Variants in DMD observed in about 807,000 individuals in gnomAD.
The protein encoded by DMD is mutant dystrophin.
Under a neutral mutation model 330.1 loss-of-function variants are expected in DMD, and 63 were observed. The ratio of observed to expected loss-of-function variants is 0.19; its 90% CI spans 0.16 to 0.24. DMD has a LOEUF of 0.24. Ranked by LOEUF, DMD falls within the 10% of genes least tolerant of loss-of-function variation. The pLI is 1.00. For missense variants in DMD, 3,344 were observed against 2,684.1 expected, an observed-to-expected ratio of 1.25 and a Z score of -5.43; for synonymous variants, 1,223 against 959.8, an observed-to-expected ratio of 1.27 and a Z score of -5.07.
chrX:32,613,446 A>G (rs2057327891), intron 12 of DMD, among the ~76,000 whole-genome samples: 1 of 111,086 alleles, frequency 9.0e-6, no homozygotes, highest in African/African-American at 3.3e-5. Flanking sequence ...GAAACAAAAA[A>G]AAATGCTTTC....
intron 2 of DMD, among the ~76,000 whole-genome samples, chrX:32,993,220 G>C (rs764422282): frequency 1.8e-5 from 2 of 112,237 alleles, no homozygotes; most frequent in Admixed American, 1.9e-4. Flanking sequence ...GTTTGAGCAA[G>C]TCATTTAGAC....
At position 31,704,084 on chromosome X, in the gene DMD, G is replaced by A. The variant is rs774066928; in HGVS notation, c.7661-24498C>T. Among the ~76,000 whole-genome samples the A allele has an allele frequency of 1.3e-4, 14 of 111,654 alleles. No individual in the cohort carries two copies. The South Asian group carries it at 4.1e-3, about 33-fold the overall frequency. On this transcript the variant is annotated intron_variant, in intron 52 of 78. Coordinates refer to ENST00000357033, the MANE Select transcript of DMD (RefSeq NM_004006.3). ...GGGAGATAAAAGTAATTCTTTCCTC[G>A]TTCCAATAATCCCCATTCAAGTAAC... is the stretch of plus-strand genomic sequence containing the variant.
intron 41 of DMD, among the ~76,000 whole-genome samples, chrX:32,334,439 A>G (rs1240458210): frequency 8.9e-6 from 1 of 112,100 alleles, no homozygotes; most frequent in African/African-American, 3.2e-5. Context: ...TGTGGCAATT[A>G]TGCAAAGACA....
chrX:32,518,845 T>C (rs1449892626), intron 17 of DMD, among the ~76,000 whole-genome samples: 1 of 110,053 alleles, frequency 9.1e-6, no homozygotes. Context: ...CTCCAGTTGA[T>C]GCCACATAGA....
intron 28 of DMD, among the ~76,000 whole-genome samples, chrX:32,439,262 T>A: frequency 8.9e-6 from 1 of 111,822 alleles, no homozygotes; most frequent in Non-Finnish European, 1.9e-5. Flanking sequence ...TTTTCCTGTT[T>A]ATGTATTTTT....
chrX:32,477,124 C>T (rs747092244), intron 21 of DMD, among the ~76,000 whole-genome samples: 25 of 110,643 alleles, frequency 2.3e-4, no homozygotes, highest in African/African-American at 7.2e-4. Flanking sequence ...TTCTACTATT[C>T]GGCTGCTAAA....
chrX:31,929,098 A>G (rs1006917369), intron 47 of DMD, among the ~76,000 whole-genome samples: 2 of 112,342 alleles, frequency 1.8e-5, no homozygotes, highest in Non-Finnish European at 3.8e-5. Context: ...AGATTTATAT[A>G]GTATGCAAGG....
intron 43 of DMD, among the ~76,000 whole-genome samples, chrX:32,246,959 C>G (rs1234420954): frequency 4.5e-5 from 5 of 111,121 alleles, no homozygotes; most frequent in Non-Finnish European, 7.5e-5. Context: ...CACACACACC[C>G]ACACACCCTA....
intron 57 of DMD, among the ~76,000 whole-genome samples, chrX:31,493,705 G>C (rs1254463446): frequency 8.9e-6 from 1 of 111,818 alleles, no homozygotes; most frequent in Admixed American, 9.5e-5. Flanking sequence ...ATAGTGTTAA[G>C]ATAAGGACTG....
At chrX:32,536,287 A>AC (rs1404923298) in intron 17 of DMD, among the ~76,000 whole-genome samples, 2 of 106,048 alleles carry the variant, frequency 1.9e-5, no homozygotes, top group African/African-American at 7.3e-5. Flanking sequence ...AAAAAAAAAA[A>AC]ACACACAAAT....
intron 2 of DMD, among the ~76,000 whole-genome samples, chrX:32,992,701 G>A (rs969320105): frequency 9.1e-6 from 1 of 110,357 alleles, no homozygotes; most frequent in Non-Finnish European, 1.9e-5. Flanking sequence ...GAGGTCATGA[G>A]TTCAAGACCA....
chrX:31,337,635 C>T (rs758365976), intron 61 of DMD, among the ~76,000 whole-genome samples: 1 of 111,975 alleles, frequency 8.9e-6, no homozygotes, highest in Non-Finnish European at 1.9e-5. Context: ...CTACCCCAGG[C>T]CAAATTCACA....
At chrX:33,275,537 C>A (rs2053220562) in intron 1 of DMD, among the ~76,000 whole-genome samples, 1 of 111,770 alleles carries the variant, frequency 8.9e-6, no homozygotes, top group African/African-American at 3.3e-5. Context: ...CTGGGACAAG[C>A]TGAGACATAC....
At chrX:32,314,186 T>A (rs1341565477) in intron 41 of DMD, among the ~76,000 whole-genome samples, 1 of 111,542 alleles carries the variant, frequency 9.0e-6, no homozygotes, top group Non-Finnish European at 1.9e-5. Flanking sequence ...ATTATACTGA[T>A]AGCAAAACAG....
chrX:31,593,747 C>T (rs2076983961), intron 55 of DMD, among the ~76,000 whole-genome samples: 1 of 110,379 alleles, frequency 9.1e-6, no homozygotes, highest in South Asian at 3.8e-4. Context: ...TTAACTCATA[C>T]TTTTTCTTAT....
intron 42 of DMD, among the ~76,000 whole-genome samples, chrX:32,301,238 A>G (rs1019137063): frequency 5.7e-5 from 6 of 105,724 alleles, no homozygotes; most frequent in African/African-American, 1.7e-4. Flanking sequence ...AAAAAAAAAA[A>G]GAAAGAAAAG....
chrX:32,165,148 A>T (rs1326504836), intron 44 of DMD, among the ~76,000 whole-genome samples: 1 of 112,276 alleles, frequency 8.9e-6, no homozygotes, highest in Non-Finnish European at 1.9e-5. Context: ...GGCACTGCCT[A>T]GCGGAGCTAT....
intron 9 of DMD, among the ~76,000 whole-genome samples, chrX:32,692,565 T>G (rs1178511072): frequency 8.9e-6 from 1 of 111,827 alleles, no homozygotes; most frequent in Non-Finnish European, 1.9e-5. Context: ...TTGCTGGATG[T>G]AAAATCACCC....
At position 32,473,884 on chromosome X, in the gene DMD, C is replaced by T. The variant is rs2040920468; in HGVS notation, c.2804-1575G>A. Among the ~76,000 whole-genome samples the T allele has an allele frequency of 2.7e-5, 3 of 110,178 alleles. No homozygotes were observed. The South Asian group carries it at 1.2e-3, about 43-fold the overall frequency. On this transcript the variant is annotated intron_variant, in intron 21 of 78. Coordinates refer to ENST00000357033, the MANE Select transcript of DMD (RefSeq NM_004006.3). ...TGGGGGTAAAGGTGGTATTTGGTTA[C>T]ATGAGTAAGTTCTTTAGTGGTGATT... is the stretch of plus-strand genomic sequence containing the variant.
Sources: gnomAD v4.1 joint callset for allele counts (sites outside exome capture counted in the v4.1 genomes callset) on GRCh38, gnomAD v4.1.1 for gene constraint, MANE v1.5 for transcripts, NCBI Gene and HGNC (gene_info 2026-07-23, HGNC 2026-07-21) for gene names.